Variants in GFPT2 observed in about 807,000 individuals in gnomAD.
The protein encoded by GFPT2 is glutamine--fructose-6-phosphate transaminase 2.
A neutral mutation model predicts 85.6 loss-of-function variants in GFPT2; 62 were observed. The observed-to-expected ratio is 0.72, with a 90% confidence interval of 0.59 to 0.90. The LOEUF (loss-of-function observed/expected upper bound fraction) is 0.90. GFPT2 is among the 40% of genes least tolerant of loss of function. The pLI is 0.00. For missense variants in GFPT2, 788 were observed against 893.4 expected (o/e 0.88, Z 1.50); for synonymous variants, 368 against 344.5 (o/e 1.07, Z -0.75).
Position 180,316,872 on chromosome 5 carries a change from C to A in GFPT2, c.1055-11G>T. ...AGCCACCCAGGAGCACTGCAGGGCA[C>A]ACGACAAGGCGTTAATGCTGAGTCT... On this transcript the variant is annotated splice_polypyrimidine_tract_variant and intron_variant, in intron 11 of 18. Coordinates refer to ENST00000253778, the MANE Select transcript of GFPT2 (RefSeq NM_005110.4). 1 of 1,605,726 alleles carries A rather than the reference C, an allele frequency of 6.2e-7. No individual in the cohort carries two copies. The highest frequency in any genetic ancestry group is 8.5e-7 in the Non-Finnish European group (1 of 1,172,458).
rs993437433 is a variant in GFPT2 at position 180,314,630 on chromosome 5, T to C, written c.1274-666A>G. ...GTTCTGTTTGCAGGGCCACTGCTCT[T>C]GGCTGTGTCTGTCCCAGCTTTGCAG... On this transcript the variant is annotated intron_variant, in intron 13 of 18. Coordinates refer to ENST00000253778, the MANE Select transcript of GFPT2 (RefSeq NM_005110.4). 3.9e-5 allele frequency among the ~76,000 whole-genome samples: 6 copies of C among 152,334 alleles called. No individual in the cohort carries two copies. The South Asian group carries it at 1.2e-3, about 32-fold the overall frequency.
chr5:180,345,683 C>T (rs1009763751), intron 1 of GFPT2, among the ~76,000 whole-genome samples: 2 of 152,194 alleles, frequency 1.3e-5, no homozygotes, highest in Non-Finnish European at 1.5e-5. Flanking sequence ...ATTGCTGAGT[C>T]CCCAGCACCT....
In GFPT2 at chr5:180,305,741, C is replaced by T. The variant is rs79616863; in HGVS notation, c.1675-802G>A. Among the ~76,000 whole-genome samples the T allele has an allele frequency of 3.7e-3, 569 of 152,342 alleles. 30 individuals carry two copies. The East Asian group carries it at 0.091, about 24-fold the overall frequency. On this transcript the variant is annotated intron_variant, in intron 16 of 18. Transcript: ENST00000253778. ...CGTTCAGCCACCGCAGCTCAGCCCC[C>T]ACCCATGACGCAGAGTCATCTGGGG...
Position 180,313,969 on chromosome 5 carries a change from C to G in GFPT2, c.1274-5G>C, listed in dbSNP as rs931551413. ...GGAGGGTGTCCGCGGTCTCGCCTGC[C>G]GCCCAGGGGCCCTCTCAGTGCCGCG... On this transcript the variant is annotated splice_polypyrimidine_tract_variant and splice_region_variant and intron_variant, in intron 13 of 18. Coordinates refer to ENST00000253778, the MANE Select transcript of GFPT2 (RefSeq NM_005110.4). 2.5e-6 allele frequency: 4 copies of G among 1,590,398 alleles called. No individual in the cohort carries two copies. Among genetic ancestry groups the G allele is most frequent in the Middle Eastern group, 2.2e-4 (1 of 4,574 alleles).
intron 4 of GFPT2, among the ~76,000 whole-genome samples, chr5:180,333,774 T>C (rs1445895237): frequency 6.6e-6 from 1 of 152,200 alleles, no homozygotes; most frequent in Non-Finnish European, 1.5e-5. Flanking sequence ...TGTTGTTTTC[T>C]TTTCAATTAC....
intron 13 of GFPT2, among the ~76,000 whole-genome samples, chr5:180,315,496 T>C (rs1201935095): frequency 1.3e-5 from 2 of 151,804 alleles, no homozygotes; most frequent in African/African-American, 4.8e-5. Context: ...GTTTTTCTTT[T>C]GTCATTTTAA....
chr5:180,349,171 G>A (rs765217842), intron 1 of GFPT2, among the ~76,000 whole-genome samples: 3 of 152,050 alleles, frequency 2.0e-5, no homozygotes, highest in Non-Finnish European at 4.4e-5. Context: ...GACAGGTACA[G>A]TGGCTCATGC....
At chr5:180,336,346 C>T (rs1254264708) in intron 3 of GFPT2, 133 bp downstream of exon 3, 3 of 712,730 alleles carry the variant, frequency 4.2e-6, no homozygotes, top group South Asian at 1.6e-5. Flanking sequence ...TTTTACAGCA[C>T]GGGCTTAGCC....
In GFPT2 at chr5:180,301,510, G is replaced by C; in HGVS notation, c.*54C>G. Reference sequence around the variant, plus strand: ...TTCCCATGTAGCATCCCTGCTGTTGGGACAGGTCTGGAATCAGATGAAAGG... The same window carrying C: ...TTCCCATGTAGCATCCCTGCTGTTGCGACAGGTCTGGAATCAGATGAAAGG... On this transcript the variant is annotated 3_prime_UTR_variant, in exon 19 of 19. Coordinates refer to ENST00000253778, the MANE Select transcript of GFPT2 (RefSeq NM_005110.4). 7.1e-7 allele frequency: 1 copy of C among 1,412,304 alleles called. No homozygotes were observed. The highest frequency in any genetic ancestry group is 2.3e-5 in the East Asian group (1 of 43,966). 87.5% of individuals were successfully genotyped at this position (1,412,304 alleles called of 1,614,324 possible).
intron 15 of GFPT2, among the ~76,000 whole-genome samples, chr5:180,307,839 G>C (rs932170720): frequency 6.6e-6 from 1 of 152,242 alleles, no homozygotes; most frequent in Non-Finnish European, 1.5e-5. Flanking sequence ...AGGACCAGGC[G>C]TGGTGGCTCA....
chr5:180,338,406 G>A lies in GFPT2; in HGVS notation c.115+87C>T. On this transcript the variant is annotated intron_variant, in intron 2 of 18. Coordinates refer to ENST00000253778, the MANE Select transcript of GFPT2 (RefSeq NM_005110.4). ...AAAAAGTAGCAGAAAAAATGCCCTG[G>A]TTGTAAACCCCCCTGCAGTGGAGAT... 7.2e-6 allele frequency: 4 copies of A among 558,634 alleles called. No individual in the cohort carries two copies. The South Asian group carries it at 1.0e-4, about 14-fold the overall frequency. The allele number at this position is 558,634 out of a possible 1,614,324, so 34.6% of individuals were successfully genotyped here.
At chr5:180,319,529 A>C (rs1764079095) in intron 9 of GFPT2, among the ~76,000 whole-genome samples, 1 of 152,264 alleles carries the variant, frequency 6.6e-6, no homozygotes, top group Non-Finnish European at 1.5e-5. Context: ...ATGAAGAAAT[A>C]ATAGAAGAAT....
At chr5:180,324,441 C>T (rs3749788) in intron 8 of GFPT2, 136 bp from the exon 9 acceptor site, 65,790 of 616,612 alleles carry the variant, frequency 0.11, 4,386 homozygotes, top group African/African-American at 0.25. Context: ...TCAGCCAAAT[C>T]GTGTAAAAGA....
At chr5:180,312,278 C>T in intron 15 of GFPT2, 152 bp downstream of exon 15, 1 of 627,028 alleles carries the variant, frequency 1.6e-6, no homozygotes. Flanking sequence ...AGGTCAGAGG[C>T]AGCAAGGCCT....
chr5:180,330,713 ACT>A lies in GFPT2; in HGVS notation c.519_520del (p.Arg173SerfsTer63), dbSNP rs776750259. The A allele has an allele frequency of 1.2e-6, 2 of 1,611,814 alleles. No individual in the cohort carries two copies. Among genetic ancestry groups the A allele is most frequent in the South Asian group, 1.1e-5 (1 of 90,964 alleles). ...TTTGTAACTCACCAACTGCTGAATG[ACT>A]CTCTCGACCAACGTTGAAAACGTAA... On this transcript the variant is annotated frameshift_variant, in exon 6 of 19. Transcript: ENST00000253778. LOFTEE classifies it high-confidence loss of function. The surrounding 1 kb of genome is among the most constrained non-coding windows in gnomAD (Gnocchi z 4.4).
Position 180,323,782 on chromosome 5 carries a change from G to A in GFPT2, c.794+406C>T, listed in dbSNP as rs1216272702. Among the ~76,000 whole-genome samples, 3 of 152,164 alleles carry A rather than the reference G, an allele frequency of 2.0e-5. No homozygotes were observed. The highest frequency in any genetic ancestry group is 6.5e-5 in the Admixed American group (1 of 15,274). Reference sequence around the variant, plus strand: ...TAGACACAGTTGTCTCATCTAAAGGGGGCAGCCTTTGAGCAGATCCAGACA... The same window carrying A: ...TAGACACAGTTGTCTCATCTAAAGGAGGCAGCCTTTGAGCAGATCCAGACA... On this transcript the variant is annotated intron_variant, in intron 9 of 18. Coordinates refer to ENST00000253778, the MANE Select transcript of GFPT2 (RefSeq NM_005110.4). This position sits in a 1 kb window ranked among gnomAD's most constrained non-coding sequence, Gnocchi z 4.0.
rs886724025 is a variant in GFPT2, at chr5:180,352,324, C to G, written c.7+887G>C. On this transcript the variant is annotated intron_variant, in intron 1 of 18. Transcript: ENST00000253778. ...GCCACAGGAGGCTGGAATGGGTAAC[C>G]GAATCCTACTCAAGGAAAAAAAAAA... 2.7e-5 allele frequency: 11 copies of G among 402,580 alleles called. No individual in the cohort carries two copies. In the Admixed American group the frequency reaches 3.6e-4, roughly 13 times the overall value. 24.9% of individuals were successfully genotyped at this position (402,580 alleles called of 1,614,324 possible).
At chr5:180,313,745 G>A (rs1343714209) in intron 14 of GFPT2, 62 bp downstream of exon 14, 5 of 1,442,854 alleles carry the variant, frequency 3.5e-6, no homozygotes, top group Admixed American at 2.1e-5. Context: ...GAGGAGGGCG[G>A]CCTCTGGTGC....
At chr5:180,345,188 G>A (rs1034045961) in intron 1 of GFPT2, among the ~76,000 whole-genome samples, 2 of 152,260 alleles carry the variant, frequency 1.3e-5, no homozygotes, top group Admixed American at 1.3e-4. Context: ...TAAAACCAAG[G>A]GGGAAATAGT....
Sources: gnomAD v4.1 joint callset for allele counts (sites outside exome capture counted in the v4.1 genomes callset) on GRCh38, gnomAD v4.1.1 for gene constraint, Gnocchi (gnomAD v3.1) non-coding constraint, MANE v1.5 for transcripts, NCBI Gene and HGNC (gene_info 2026-07-23, HGNC 2026-07-21) for gene names.